The following ZPBP variants were observed in gnomAD, a reference collection of about 807,000 sequenced individuals.
ZPBP encodes the protein zona pellucida-binding protein 1.
In ZPBP, 26 loss-of-function variants were observed where a neutral mutation model predicts 44.8. The ratio of observed to expected loss-of-function variants is 0.58; its 90% CI spans 0.43 to 0.81. The LOEUF (loss-of-function observed/expected upper bound fraction) is 0.81. ZPBP is among the 30% of genes least tolerant of loss of function. The probability of loss-of-function intolerance (pLI) is 0.00; values close to 1 mark genes in which losing one functional copy is unlikely to be tolerated. For missense variants in ZPBP, 409 were observed against 434.0 expected (o/e 0.94, Z 0.51); for synonymous variants, 174 against 153.2 (o/e 1.14, Z -1.00).
At chr7:49,977,417 A>T (rs891239446) in intron 7 of ZPBP, among the ~76,000 whole-genome samples, 1 of 152,182 alleles carries the variant, frequency 6.6e-6, no homozygotes, top group Non-Finnish European at 1.5e-5. Context: ...GCAAGTCTTT[A>T]GGATAAATTT....
chr7:49,963,808 C>CA (rs1352571511), intron 7 of ZPBP, among the ~76,000 whole-genome samples: 4 of 151,420 alleles, frequency 2.6e-5, no homozygotes, highest in Non-Finnish European at 5.9e-5. Context: ...CATTTAAGGA[C>CA]AAAAATTGTT....
At chr7:49,851,456 C>A (rs1300439225) in intron 2 of ZPBP, among the ~76,000 whole-genome samples, 2 of 152,186 alleles carry the variant, frequency 1.3e-5, no homozygotes, top group Non-Finnish European at 2.9e-5. Context: ...GGAAAGGGGA[C>A]ACTTGCTTAG....
At position 49,904,373 on chromosome 7, in the gene ZPBP, C is replaced by T. The variant is rs369593463; in HGVS notation, n.412-3158G>A. Among the ~76,000 whole-genome samples the T allele has an allele frequency of 1.5e-3, 235 of 152,242 alleles. 12 individuals carry two copies. In the South Asian group the frequency reaches 0.048, roughly 31 times the overall value. On this transcript the variant is annotated intron_variant and non_coding_transcript_variant, in intron 1 of 2. Coordinates refer to the ZPBP transcript ENST00000465922. ...CTGAGTGAAGGCTGCATAGGACCTC[C>T]TACTCCCTTTGCAACTTCCAGGTTT...
At chr7:50,046,569 G>A (rs1465770539) in intron 4 of ZPBP, among the ~76,000 whole-genome samples, 5 of 152,266 alleles carry the variant, frequency 3.3e-5, no homozygotes, top group Middle Eastern at 3.4e-3. Context: ...GGTCATTACA[G>A]AAATGCAAAT....
At chr7:50,045,490 T>A (rs1044418125) in intron 4 of ZPBP, among the ~76,000 whole-genome samples, 1 of 152,144 alleles carries the variant, frequency 6.6e-6, no homozygotes, top group African/African-American at 2.4e-5. Context: ...ATCACAAGCA[T>A]TCCTATACAC....
chr7:49,957,630 G>C (rs958798913), intron 7 of ZPBP, among the ~76,000 whole-genome samples: 3 of 152,196 alleles, frequency 2.0e-5, no homozygotes, highest in Admixed American at 2.0e-4. Flanking sequence ...GGCTGTGGAG[G>C]CATGGCTTCC....
chr7:49,925,898 T>G (rs1794220255), intron 1 of ZPBP, among the ~76,000 whole-genome samples: 1 of 152,254 alleles, frequency 6.6e-6, no homozygotes, highest in Non-Finnish European at 1.5e-5. Context: ...GGGTTTTTCC[T>G]CATGTTGAGC....
chr7:50,049,251 A>G (rs1373586081), intron 4 of ZPBP, among the ~76,000 whole-genome samples: 2 of 152,026 alleles, frequency 1.3e-5, no homozygotes, highest in Admixed American at 1.3e-4. Context: ...AAGATATATT[A>G]GCAACAATTC....
intron 6 of ZPBP, among the ~76,000 whole-genome samples, chr7:50,008,039 G>A (rs1798392490): frequency 6.6e-6 from 1 of 151,808 alleles, no homozygotes; most frequent in Non-Finnish European, 1.5e-5. Flanking sequence ...GCAAGAAAAT[G>A]AAATAAAATA....
chr7:49,957,718 G>A (rs182653564), intron 7 of ZPBP, among the ~76,000 whole-genome samples: 18 of 152,272 alleles, frequency 1.2e-4, no homozygotes, highest in Non-Finnish European at 1.9e-4. Flanking sequence ...GCAGAGCCAC[G>A]GCAGAGAGCC....
At chr7:49,901,875 C>T (rs1036809438) in intron 1 of ZPBP, among the ~76,000 whole-genome samples, 28 of 151,872 alleles carry the variant, frequency 1.8e-4, no homozygotes, top group African/African-American at 6.8e-4. Flanking sequence ...AATATGAACA[C>T]TGTTTGCTAA....
At chr7:49,967,582 T>G (rs1433996172) in intron 7 of ZPBP, among the ~76,000 whole-genome samples, 1 of 152,180 alleles carries the variant, frequency 6.6e-6, no homozygotes, top group East Asian at 1.9e-4. Flanking sequence ...GTTTCGCTCT[T>G]GTTGCCTAGG....
chr7:49,865,720 G>A (rs1248111089), intron 2 of ZPBP, among the ~76,000 whole-genome samples: 1 of 152,194 alleles, frequency 6.6e-6, no homozygotes, highest in Non-Finnish European at 1.5e-5. Flanking sequence ...CTTCAGAAGG[G>A]CAGACCCAAA....
At chr7:49,892,105 C>A (rs1792163115) in intron 2 of ZPBP, among the ~76,000 whole-genome samples, 1 of 127,546 alleles carries the variant, frequency 7.8e-6, no homozygotes, top group African/African-American at 3.0e-5. Flanking sequence ...AGTGCAGTGG[C>A]GCAATCTCGG....
At chr7:50,057,469 T>C (rs746583859) in intron 4 of ZPBP, among the ~76,000 whole-genome samples, 64 of 152,142 alleles carry the variant, frequency 4.2e-4, no homozygotes, top group Non-Finnish European at 7.2e-4. Flanking sequence ...TCAGGTTTCT[T>C]TTCTCTAAAA....
At chr7:49,878,142 T>A (rs1181772808) in intron 2 of ZPBP, among the ~76,000 whole-genome samples, 1 of 152,096 alleles carries the variant, frequency 6.6e-6, no homozygotes, top group East Asian at 1.9e-4. Flanking sequence ...ACCCACAGCC[T>A]GGGCCACACT....
intron 2 of ZPBP, among the ~76,000 whole-genome samples, chr7:49,851,006 G>A (rs1156455096): frequency 6.6e-6 from 1 of 152,148 alleles, no homozygotes; most frequent in Non-Finnish European, 1.5e-5. Flanking sequence ...CAGTTTACTC[G>A]TCCGCAATTC....
intron 2 of ZPBP, among the ~76,000 whole-genome samples, chr7:50,086,265 ATAC>A (rs1009874253): frequency 1.8e-4 from 28 of 152,180 alleles, no homozygotes; most frequent in African/African-American, 6.0e-4. Flanking sequence ...TTGCTATGTT[ATAC>A]TATTATAAAT....
intron 2 of ZPBP, among the ~76,000 whole-genome samples, chr7:49,853,728 A>G (rs560857103): frequency 6.6e-6 from 1 of 151,726 alleles, no homozygotes; most frequent in Non-Finnish European, 1.5e-5. Flanking sequence ...TTATTTTTTT[A>G]TTATACTTTA....
Sources: allele counts gnomAD v4.1 joint callset (sites outside exome capture counted in the v4.1 genomes callset), GRCh38; gene constraint gnomAD v4.1.1; transcripts MANE v1.5; gene names NCBI Gene and HGNC (gene_info 2026-07-23, HGNC 2026-07-21).